ADCY2: variants seen among roughly 807,000 people sequenced by gnomAD.
ADCY2 encodes the protein adenylate cyclase type 2.
Under a neutral mutation model 125.2 loss-of-function variants are expected in ADCY2, and 31 were observed. That is an observed-to-expected ratio of 0.25 (90% confidence interval 0.19 to 0.33). The LOEUF is 0.33. ADCY2 is among the 10% of genes least tolerant of loss of function. ADCY2 has a pLI of 1.00. For missense variants in ADCY2, 904 were observed against 1,418.2 expected, an observed-to-expected ratio of 0.64 and a Z score of 5.82; for synonymous variants, 512 against 548.4, an observed-to-expected ratio of 0.93 and a Z score of 0.93.
intron 2 of ADCY2, among the ~76,000 whole-genome samples, chr5:7,428,978 C>T (rs1181071560): frequency 1.3e-5 from 2 of 151,188 alleles, no homozygotes; most frequent in Non-Finnish European, 2.9e-5. Context: ...CTGAAATTCT[C>T]AGGATGGAAT....
intron 2 of ADCY2, among the ~76,000 whole-genome samples, chr5:7,508,579 T>C (rs1024178698): frequency 3.9e-5 from 6 of 152,134 alleles, no homozygotes; most frequent in African/African-American, 1.4e-4. Flanking sequence ...GGACTGAGGC[T>C]TCTAAAAGCC....
chr5:7,415,631 T>C (rs1351089346), intron 2 of ADCY2, among the ~76,000 whole-genome samples: 2 of 152,184 alleles, frequency 1.3e-5, no homozygotes, highest in African/African-American at 4.8e-5. Flanking sequence ...CACAAGCTAT[T>C]GAAGGGGTGG....
intron 2 of ADCY2, among the ~76,000 whole-genome samples, chr5:7,450,658 A>C (rs1340079978): frequency 5.9e-5 from 9 of 152,222 alleles, no homozygotes; most frequent in Admixed American, 2.0e-4. Context: ...TGTTATAAGA[A>C]GATGTCCTCT....
intron 2 of ADCY2, among the ~76,000 whole-genome samples, chr5:7,490,923 A>G (rs1441727018): frequency 6.6e-6 from 1 of 152,136 alleles, no homozygotes; most frequent in Non-Finnish European, 1.5e-5. Context: ...AGAAATAGAA[A>G]CTCTGAAAAT....
chr5:7,546,844 T>C (rs535137453), intron 3 of ADCY2, among the ~76,000 whole-genome samples: 2 of 152,316 alleles, frequency 1.3e-5, no homozygotes, highest in African/African-American at 4.8e-5. Flanking sequence ...CCTGGCTCCT[T>C]CTTCTTCCTT....
intron 4 of ADCY2, chr5:7,684,983 C>T (rs1428949705): frequency 1.3e-5 from 2 of 152,186 alleles, no homozygotes; most frequent in Non-Finnish European, 2.9e-5. Flanking sequence ...CTGACTTTCC[C>T]TCTGCACACA....
At chr5:7,507,285 C>CA (rs1177912490) in intron 2 of ADCY2, among the ~76,000 whole-genome samples, 1 of 143,980 alleles carries the variant, frequency 6.9e-6, no homozygotes, top group Non-Finnish European at 1.5e-5. Context: ...ACTAAAAATA[C>CA]AAAAAATTAG....
intron 3 of ADCY2, among the ~76,000 whole-genome samples, chr5:7,613,861 G>A (rs1737659689): frequency 6.6e-6 from 1 of 152,100 alleles, no homozygotes. Flanking sequence ...ATAGCCCAAG[G>A]ATTTAATCTT....
intron 4 of ADCY2, among the ~76,000 whole-genome samples, chr5:7,674,087 C>T (rs928406542): frequency 7.1e-6 from 1 of 140,978 alleles, no homozygotes; most frequent in Non-Finnish European, 1.6e-5. Context: ...CAGCGTGTGT[C>T]GTCAGCTGTC....
intron 2 of ADCY2, among the ~76,000 whole-genome samples, chr5:7,511,001 G>A (rs1280720101): frequency 1.3e-5 from 2 of 152,110 alleles, no homozygotes; most frequent in Non-Finnish European, 2.9e-5. Context: ...CTTCCACGTT[G>A]CTGAGAACCT....
intron 3 of ADCY2, among the ~76,000 whole-genome samples, chr5:7,573,032 A>C (rs1419880429): frequency 5.3e-5 from 8 of 152,164 alleles, no homozygotes. Context: ...GGACACAGAC[A>C]CACACAGAAG....
chr5:7,707,207 A>T (rs1199253560), intron 8 of ADCY2, among the ~76,000 whole-genome samples: 1 of 152,232 alleles, frequency 6.6e-6, no homozygotes, highest in Non-Finnish European at 1.5e-5. Flanking sequence ...AACAGTCCAG[A>T]TATGGCATCT....
intron 3 of ADCY2, among the ~76,000 whole-genome samples, chr5:7,599,171 C>T (rs1328092429): frequency 6.6e-6 from 1 of 151,860 alleles, no homozygotes. Flanking sequence ...CAGGGATAGC[C>T]CGGGGCAGAT....
rs1004750341 is a variant in ADCY2 at position 7,396,976 on chromosome 5, A to G, written c.210+470A>G. ...TTGGGCGTTATTCAACTCTGCAGAA[A>G]GCCTGCCTTGGGAAAGTGGTTAATG... On this transcript the variant is annotated intron_variant, in intron 1 of 24. Transcript: ENST00000338316. The surrounding 1 kb of genome is among the most constrained non-coding windows in gnomAD (Gnocchi z 5.7). 2.6e-5 allele frequency among the ~76,000 whole-genome samples: 4 copies of G among 152,228 alleles called. No individual in the cohort carries two copies. Among genetic ancestry groups the G allele is most frequent in the Non-Finnish European group, 5.9e-5 (4 of 68,048 alleles).
chr5:7,686,947 T>G (rs183642830), intron 4 of ADCY2, among the ~76,000 whole-genome samples: 11 of 152,310 alleles, frequency 7.2e-5, no homozygotes, highest in Admixed American at 7.2e-4. Flanking sequence ...AGAGGGCATA[T>G]GCACACTCAA....
intron 20 of ADCY2, chr5:7,800,902 A>G (rs1446309465): frequency 6.6e-6 from 1 of 152,224 alleles, no homozygotes; most frequent in Non-Finnish European, 1.5e-5. Context: ...CTTTGCAGAG[A>G]GAGAGAAAAC....
chr5:7,534,581 C>T (rs953319352), intron 3 of ADCY2, among the ~76,000 whole-genome samples: 14 of 152,196 alleles, frequency 9.2e-5, no homozygotes, highest in African/African-American at 3.1e-4. Context: ...GATCTCTAGC[C>T]ATTGGCTGGT....
chr5:7,517,960 T>A (rs1176317032), intron 2 of ADCY2, among the ~76,000 whole-genome samples: 3 of 152,246 alleles, frequency 2.0e-5, no homozygotes, highest in Non-Finnish European at 4.4e-5. Flanking sequence ...AAATTATTCA[T>A]TTAATACCTG....
chr5:7,647,255 C>T (rs762689570), intron 4 of ADCY2, among the ~76,000 whole-genome samples: 3 of 152,188 alleles, frequency 2.0e-5, no homozygotes, highest in Non-Finnish European at 2.9e-5. Context: ...CTCTGTGCCT[C>T]AGTTTTCTGA....
Sources: gnomAD v4.1 joint callset for allele counts (sites outside exome capture counted in the v4.1 genomes callset) on GRCh38, gnomAD v4.1.1 for gene constraint, Gnocchi (gnomAD v3.1) non-coding constraint, MANE v1.5 for transcripts, NCBI Gene and HGNC (gene_info 2026-07-23, HGNC 2026-07-21) for gene names.